Variants in SYN3 observed in about 807,000 individuals in gnomAD.
The protein encoded by SYN3 is synapsin-3.
Under a neutral mutation model 65.8 loss-of-function variants are expected in SYN3, and 35 were observed. The observed-to-expected ratio is 0.53, with a 90% CI of 0.41 to 0.70. The LOEUF (loss-of-function observed/expected upper bound fraction) is 0.70. Among genes scored for constraint, SYN3 ranks in the 30% least tolerant of loss-of-function variants. SYN3 has a pLI of 0.00. For synonymous variants in SYN3, 270 were observed against 292.9 expected (o/e 0.92, Z 0.80); for missense variants, 680 against 749.0 (o/e 0.91, Z 1.08).
chr22:32,682,823 A>C (rs2060541676), intron 6 of SYN3, among the ~76,000 whole-genome samples: 1 of 152,214 alleles, frequency 6.6e-6, no homozygotes, highest in African/African-American at 2.4e-5. Context: ...AGGCACACGA[A>C]GAAACTCTTG....
chr22:32,961,504 C>A (rs1036622399), intron 3 of SYN3, among the ~76,000 whole-genome samples: 1 of 152,266 alleles, frequency 6.6e-6, no homozygotes, highest in East Asian at 1.9e-4. Context: ...TGGTTTCACC[C>A]CCATCATATA....
rs241733 is a variant in SYN3 at position 32,980,348 on chromosome 22, A to C, written c.369+297T>G. 9.7e-3 allele frequency among the ~76,000 whole-genome samples: 1,481 copies of C among 152,290 alleles called. 18 individuals are homozygous for C. The highest frequency in any genetic ancestry group is 0.033 in the African/African-American group (1,373 of 41,562). The stretch of plus-strand genomic sequence containing the variant: ...AAAGGAACGGTATAGAACAGACAGA[A>C]GTTGGGCTCCACCTGCCCATTTCCA... On this transcript the variant is annotated intron_variant, in intron 3 of 13. Coordinates refer to ENST00000358763, the MANE Select transcript of SYN3 (RefSeq NM_003490.4).
At chr22:32,923,131 A>C (rs191783724) in intron 4 of SYN3, among the ~76,000 whole-genome samples, 3 of 152,292 alleles carry the variant, frequency 2.0e-5, no homozygotes, top group Admixed American at 2.0e-4. Flanking sequence ...AGGAGTGTCA[A>C]CCGTATAATT....
intron 1 of SYN3, among the ~76,000 whole-genome samples, chr22:33,053,355 G>A (rs377352845): frequency 1.6e-4 from 25 of 152,224 alleles, no homozygotes; most frequent in African/African-American, 5.3e-4. Context: ...CCCAGGAGGC[G>A]GAGGTTGCAG....
intron 3 of SYN3, among the ~76,000 whole-genome samples, chr22:32,958,179 C>A (rs943566809): frequency 2.0e-5 from 3 of 152,180 alleles, no homozygotes; most frequent in East Asian, 1.9e-4. Context: ...GAGAAAACAT[C>A]CCGTAAACGT....
At chr22:32,775,211 G>A (rs930422741) in intron 6 of SYN3, among the ~76,000 whole-genome samples, 2 of 152,040 alleles carry the variant, frequency 1.3e-5, no homozygotes, top group African/African-American at 2.4e-5. Context: ...GTGGACTAGG[G>A]AGCAAGTTCT....
At chr22:32,842,304 A>T (rs1179142091) in intron 6 of SYN3, among the ~76,000 whole-genome samples, 1 of 152,120 alleles carries the variant, frequency 6.6e-6, no homozygotes, top group Admixed American at 6.5e-5. Context: ...GTGGTGATCA[A>T]TAGGCTGGGA....
chr22:32,725,079 T>C (rs2061171781), intron 6 of SYN3, among the ~76,000 whole-genome samples: 1 of 152,140 alleles, frequency 6.6e-6, no homozygotes. Flanking sequence ...ATCGCGCCAT[T>C]GCACTCCAGC....
chr22:32,774,468 A>G (rs949457653), intron 6 of SYN3, among the ~76,000 whole-genome samples: 8 of 152,194 alleles, frequency 5.3e-5, no homozygotes, highest in African/African-American at 1.9e-4. Context: ...TCGAGTCTTC[A>G]CAGAGATGAA....
In SYN3 at chr22:32,859,257, C is replaced by T. The variant is rs149161075; in HGVS notation, c.711+5658G>A. ...TCTGGACCGACATGCTCTCCAATTT[C>T]GGTTACCCTGGCTACCAGTCCAAAC... On this transcript the variant is annotated intron_variant, in intron 6 of 13. Coordinates refer to ENST00000358763, the MANE Select transcript of SYN3 (RefSeq NM_003490.4). 2.2e-3 allele frequency: 3,575 copies of T among 1,614,196 alleles called. 7 individuals carry two copies. The highest frequency in any genetic ancestry group is 2.8e-3 in the Non-Finnish European group (3,332 of 1,180,032).
intron 2 of SYN3, among the ~76,000 whole-genome samples, chr22:33,004,968 C>T (rs756799310): frequency 5.3e-5 from 8 of 152,130 alleles, no homozygotes; most frequent in African/African-American, 9.7e-5. Flanking sequence ...GTTACCCCCA[C>T]GTTGGTGTTC....
intron 4 of SYN3, among the ~76,000 whole-genome samples, chr22:32,873,276 GGAGT>G (rs1468494287): frequency 2.0e-5 from 3 of 147,430 alleles, no homozygotes; most frequent in Non-Finnish European, 4.5e-5. Flanking sequence ...AACAAAGGAG[GGAGT>G]GAGTGGGTGA....
chr22:32,642,391 C>T (rs1313302031), intron 6 of SYN3, among the ~76,000 whole-genome samples: 1 of 150,338 alleles, frequency 6.7e-6, no homozygotes, highest in Non-Finnish European at 1.5e-5. Context: ...AAGCCACACT[C>T]AGTGTCCTAC....
At chr22:32,832,366 A>AT (rs2047598655) in intron 6 of SYN3, among the ~76,000 whole-genome samples, 5 of 152,316 alleles carry the variant, frequency 3.3e-5, no homozygotes, top group Middle Eastern at 6.8e-3. Flanking sequence ...GGACACTAGA[A>AT]TATGTCCAGT....
intron 4 of SYN3, among the ~76,000 whole-genome samples, chr22:32,874,790 C>T (rs1352051894): frequency 6.6e-6 from 1 of 152,206 alleles, no homozygotes; most frequent in Admixed American, 6.5e-5. Flanking sequence ...TTCTGACGTC[C>T]ATGTCAACGG....
intron 6 of SYN3, among the ~76,000 whole-genome samples, chr22:32,645,846 C>G (rs1414851975): frequency 6.6e-6 from 1 of 151,726 alleles, no homozygotes; most frequent in Non-Finnish European, 1.5e-5. Context: ...ACAAGAATTC[C>G]CTGTCTGGGG....
intron 6 of SYN3, among the ~76,000 whole-genome samples, chr22:32,620,032 A>G (rs1882495432): frequency 6.6e-6 from 1 of 152,264 alleles, no homozygotes; most frequent in African/African-American, 2.4e-5. Context: ...GAATAAGACC[A>G]GCTGAGACTA....
chr22:32,933,880 T>A (rs1408267997), intron 3 of SYN3, among the ~76,000 whole-genome samples: 1 of 152,220 alleles, frequency 6.6e-6, no homozygotes, highest in Non-Finnish European at 1.5e-5. Flanking sequence ...AAATATCATT[T>A]CATGGCAACT....
chr22:32,976,137 G>A (rs1025922374), intron 3 of SYN3, among the ~76,000 whole-genome samples: 7 of 152,208 alleles, frequency 4.6e-5, no homozygotes, highest in African/African-American at 1.7e-4. Flanking sequence ...GGCAGAAGAT[G>A]AACAGGTCTC....
Sources: gnomAD v4.1 joint callset for allele counts (sites outside exome capture counted in the v4.1 genomes callset) on GRCh38, gnomAD v4.1.1 for gene constraint, MANE v1.5 for transcripts, NCBI Gene and HGNC (gene_info 2026-07-23, HGNC 2026-07-21) for gene names.